The following IMMP2L variants were observed in gnomAD, a reference collection of about 807,000 sequenced individuals.
IMMP2L encodes inner mitochondrial membrane peptidase subunit 2, also known as mitochondrial inner membrane protease subunit 2.
Under a neutral mutation model 19.3 loss-of-function variants are expected in IMMP2L, and 18 were observed. That is an observed-to-expected ratio of 0.93 (90% confidence interval 0.64 to 1.38). The LOEUF is 1.38. IMMP2L is among the 40% of genes most tolerant of loss of function. The probability of loss-of-function intolerance (pLI) is 0.00; values close to 1 mark genes in which losing one functional copy is unlikely to be tolerated. For missense variants in IMMP2L, 233 were observed against 218.2 expected (o/e 1.07, Z -0.43); for synonymous variants, 76 against 73.0 (o/e 1.04, Z -0.21).
chr7:111,075,775 T>C (rs1056615661), intron 3 of IMMP2L, among the ~76,000 whole-genome samples: 1 of 152,166 alleles, frequency 6.6e-6, no homozygotes, highest in Non-Finnish European at 1.5e-5. Context: ...GCTGATGACT[T>C]CTAAATTTAC....
intron 3 of IMMP2L, among the ~76,000 whole-genome samples, chr7:111,383,071 G>A (rs1198821657): frequency 6.6e-6 from 1 of 151,994 alleles, no homozygotes; most frequent in African/African-American, 2.4e-5. Flanking sequence ...CATTAGTCAT[G>A]GAGGAAGAAA....
intron 3 of IMMP2L, among the ~76,000 whole-genome samples, chr7:110,990,946 T>A (rs1325653100): frequency 6.6e-6 from 1 of 152,190 alleles, no homozygotes; most frequent in Non-Finnish European, 1.5e-5. Flanking sequence ...TAATAGCACA[T>A]TTTAATGCCC....
intron 2 of IMMP2L, among the ~76,000 whole-genome samples, chr7:111,517,757 A>C (rs2132637265): frequency 6.6e-6 from 1 of 152,230 alleles, no homozygotes; most frequent in African/African-American, 2.4e-5. Context: ...GAATTAAATT[A>C]ATGTCGTGTA....
intron 3 of IMMP2L, among the ~76,000 whole-genome samples, chr7:111,069,185 T>C (rs1264258033): frequency 7.9e-5 from 12 of 152,200 alleles, no homozygotes; most frequent in Non-Finnish European, 1.8e-4. Context: ...CCTTCCTTTG[T>C]ACCAACTTGT....
chr7:111,289,758 G>A (rs1334469753), intron 3 of IMMP2L, among the ~76,000 whole-genome samples: 6 of 151,740 alleles, frequency 4.0e-5, no homozygotes, highest in African/African-American at 7.3e-5. Context: ...GTGCAGTGGC[G>A]CGATCTCGGC....
rs186471523 is a variant in IMMP2L at position 111,035,500 on chromosome 7, T to C, written c.240-71935A>G. On this transcript the variant is annotated intron_variant, in intron 3 of 5. Transcript: ENST00000405709. The stretch of plus-strand genomic sequence containing the variant: ...GAATACTGCAATAAATAGTGATTGC[T>C]TCTACATATGTGATCAACTACAAGT... Among the ~76,000 whole-genome samples, 82 of 152,320 alleles carry C rather than the reference T, an allele frequency of 5.4e-4. No homozygotes were observed. The South Asian group carries it at 8.3e-3, about 15-fold the overall frequency.
At chr7:111,017,066 T>A (rs572914819) in intron 3 of IMMP2L, among the ~76,000 whole-genome samples, 19 of 137,972 alleles carry the variant, frequency 1.4e-4, no homozygotes, top group Non-Finnish European at 2.3e-4. Context: ...TATATGTGCC[T>A]TTATTTATTT....
At chr7:111,237,866 T>C (rs901477446) in intron 3 of IMMP2L, among the ~76,000 whole-genome samples, 5 of 152,158 alleles carry the variant, frequency 3.3e-5, no homozygotes, top group Non-Finnish European at 7.4e-5. Flanking sequence ...AAATTACTTA[T>C]GCTCCCTAAG....
intron 3 of IMMP2L, among the ~76,000 whole-genome samples, chr7:111,058,977 T>A (rs2129574254): frequency 6.6e-6 from 1 of 152,060 alleles, no homozygotes; most frequent in Non-Finnish European, 1.5e-5. Flanking sequence ...TTTTTAACTT[T>A]TTATTTATTT....
chr7:111,064,684 A>G (rs886747070), intron 3 of IMMP2L, among the ~76,000 whole-genome samples: 1 of 152,130 alleles, frequency 6.6e-6, no homozygotes, highest in African/African-American at 2.4e-5. Context: ...AGGCACAACA[A>G]TGATTCCATT....
intron 3 of IMMP2L, among the ~76,000 whole-genome samples, chr7:111,180,234 A>G (rs1807554466): frequency 6.6e-6 from 1 of 152,080 alleles, no homozygotes; most frequent in Non-Finnish European, 1.5e-5. Flanking sequence ...CCTCACTAAA[A>G]TTAATCATTT....
chr7:111,241,296 C>T (rs1176980808), intron 3 of IMMP2L, among the ~76,000 whole-genome samples: 1 of 151,728 alleles, frequency 6.6e-6, no homozygotes, highest in Non-Finnish European at 1.5e-5. Context: ...TAGATCTTTA[C>T]CCAAAAAAGG....
intron 4 of IMMP2L, among the ~76,000 whole-genome samples, chr7:110,909,426 G>A (rs1467588022): frequency 1.3e-5 from 2 of 152,126 alleles, no homozygotes; most frequent in African/African-American, 2.4e-5. Flanking sequence ...GCCAGACAAT[G>A]TAGCATGGCA....
At chr7:111,016,813 A>G (rs1393573692) in intron 3 of IMMP2L, among the ~76,000 whole-genome samples, 2 of 50,300 alleles carry the variant, frequency 4.0e-5, no homozygotes, top group African/African-American at 5.6e-5. Context: ...TATATACTAT[A>G]TATTATATAT....
intron 1 of IMMP2L, among the ~76,000 whole-genome samples, chr7:111,545,511 C>T (rs1413465147): frequency 1.3e-5 from 2 of 152,120 alleles, no homozygotes; most frequent in African/African-American, 4.8e-5. Flanking sequence ...CTGCCTCAGC[C>T]TCCTGAGTAG....
At chr7:111,255,747 C>A (rs1014687858) in intron 3 of IMMP2L, among the ~76,000 whole-genome samples, 20 of 152,144 alleles carry the variant, frequency 1.3e-4, no homozygotes, top group African/African-American at 4.6e-4. Context: ...CTTTCCAAAT[C>A]TCATGCTTTA....
chr7:111,079,221 C>T (rs1456790344), intron 3 of IMMP2L, among the ~76,000 whole-genome samples: 2 of 149,230 alleles, frequency 1.3e-5, no homozygotes, highest in African/African-American at 2.4e-5. Context: ...GGGTTCACGC[C>T]ATTCTCCTGC....
At chr7:110,930,510 T>C (rs1815349504) in intron 4 of IMMP2L, among the ~76,000 whole-genome samples, 1 of 152,138 alleles carries the variant, frequency 6.6e-6, no homozygotes, top group Non-Finnish European at 1.5e-5. Flanking sequence ...AATAGCTATA[T>C]AGGTAGGTTA....
intron 5 of IMMP2L, among the ~76,000 whole-genome samples, chr7:110,880,159 T>C (rs1036755143): frequency 6.6e-6 from 1 of 152,104 alleles, no homozygotes; most frequent in Non-Finnish European, 1.5e-5. Flanking sequence ...CAAATCTTAA[T>C]ATACCAAAAA....
Sources: gnomAD v4.1 joint callset for allele counts (sites outside exome capture counted in the v4.1 genomes callset) on GRCh38, gnomAD v4.1.1 for gene constraint, MANE v1.5 for transcripts, NCBI Gene and HGNC (gene_info 2026-07-23, HGNC 2026-07-21) for gene names.